ESR1: variants seen among roughly 807,000 people sequenced by gnomAD.
ESR1 encodes the protein estrogen receptor 1, also known as estrogen receptor.
ESR1 carries 12 observed loss-of-function variants against 52.7 expected under a neutral mutation model. That is an observed-to-expected ratio of 0.23 (90% CI 0.15 to 0.37). The LOEUF is 0.37. Among genes scored for constraint, ESR1 ranks in the 10% least tolerant of loss-of-function variants. The pLI is 1.00. For synonymous variants in ESR1, 305 were observed against 316.8 expected (o/e 0.96, Z 0.39); for missense variants, 584 against 779.7 (o/e 0.75, Z 2.99).
chr6:151,822,751 A>G (rs575595378), intron 1 of ESR1, among the ~76,000 whole-genome samples: 1 of 152,314 alleles, frequency 6.6e-6, no homozygotes, highest in Admixed American at 6.5e-5. Context: ...TGTGAATCAG[A>G]AGGTTCATTA....
intron 2 of ESR1, among the ~76,000 whole-genome samples, chr6:151,734,306 C>T (rs1017664163): frequency 2.0e-5 from 3 of 152,298 alleles, no homozygotes; most frequent in East Asian, 1.9e-4. Flanking sequence ...ACACAATCCA[C>T]GTCAAGTTCC....
At chr6:152,124,967 G>T (rs1165297114) in intron 6 of ESR1, among the ~76,000 whole-genome samples, 1 of 152,218 alleles carries the variant, frequency 6.6e-6, no homozygotes, top group Non-Finnish European at 1.5e-5. Flanking sequence ...CCTCTGCGGT[G>T]TGTACTTATT....
downstream of ESR1, among the ~76,000 whole-genome samples, chr6:152,105,331 C>T (rs2051050517): frequency 6.6e-6 from 1 of 152,124 alleles, no homozygotes. Context: ...TGGGACTGAG[C>T]CCTTAACCTG....
At chr6:152,021,523 TAC>T (rs2043650302) in intron 5 of ESR1, among the ~76,000 whole-genome samples, 1 of 152,224 alleles carries the variant, frequency 6.6e-6, no homozygotes, top group Admixed American at 6.5e-5. Flanking sequence ...CTTTGATTGT[TAC>T]ACCACAGCAG....
intron 3 of ESR1, among the ~76,000 whole-genome samples, chr6:151,897,475 G>T (rs1795724889): frequency 6.6e-6 from 1 of 152,096 alleles, no homozygotes; most frequent in Admixed American, 6.5e-5. Flanking sequence ...TTTAAAGTTT[G>T]TTTTGTCTGA....
At chr6:151,993,459 T>G (rs982901019) in intron 4 of ESR1, among the ~76,000 whole-genome samples, 10 of 152,082 alleles carry the variant, frequency 6.6e-5, no homozygotes, top group African/African-American at 2.4e-4. Context: ...AGTCACAGCT[T>G]TCTTACCAAA....
At chr6:151,830,731 A>G (rs915987814) in intron 1 of ESR1, among the ~76,000 whole-genome samples, 5 of 152,166 alleles carry the variant, frequency 3.3e-5, no homozygotes, top group African/African-American at 1.2e-4. Flanking sequence ...TTTCCAGTCT[A>G]TTCTTGTTTC....
downstream of ESR1, among the ~76,000 whole-genome samples, chr6:152,105,366 C>G (rs2747649): frequency 0.27 from 41,207 of 151,638 alleles, 5,775 homozygotes; most frequent in African/African-American, 0.33. Context: ...AAACCTTTAA[C>G]CTTTTCCCCC....
At chr6:151,737,200 A>G (rs1782744071) in intron 2 of ESR1, among the ~76,000 whole-genome samples, 1 of 152,192 alleles carries the variant, frequency 6.6e-6, no homozygotes, top group Non-Finnish European at 1.5e-5. Flanking sequence ...ATTTCTTATT[A>G]AGACATATTA....
intron 4 of ESR1, among the ~76,000 whole-genome samples, chr6:151,992,915 C>T (rs1426670754): frequency 6.6e-6 from 1 of 152,024 alleles, no homozygotes; most frequent in Non-Finnish European, 1.5e-5. Flanking sequence ...ACTTGCGATG[C>T]CTGTGCCAAA....
intron 4 of ESR1, among the ~76,000 whole-genome samples, chr6:151,972,883 C>T (rs948601799): frequency 2.0e-5 from 3 of 152,132 alleles, no homozygotes; most frequent in Non-Finnish European, 2.9e-5. Context: ...TATAAGAGTC[C>T]CAAAGCTGAA....
intron 7 of ESR1, among the ~76,000 whole-genome samples, chr6:152,095,324 A>G (rs902423313): frequency 1.3e-5 from 2 of 152,172 alleles, no homozygotes; most frequent in Admixed American, 6.5e-5. Flanking sequence ...AGCTCTAGCC[A>G]TAATAGCTGA....
chr6:151,953,956 AACTG>A (rs2036615731), intron 4 of ESR1, among the ~76,000 whole-genome samples: 1 of 152,108 alleles, frequency 6.6e-6, no homozygotes, highest in African/African-American at 2.4e-5. Context: ...CTACAGCCTA[AACTG>A]ACTGTTGATT....
At chr6:151,660,784 C>T (rs1184110727) in intron 1 of ESR1, among the ~76,000 whole-genome samples, 1 of 152,106 alleles carries the variant, frequency 6.6e-6, no homozygotes, top group Non-Finnish European at 1.5e-5. Context: ...CATATATGTG[C>T]ACATACACTG....
At chr6:151,948,011 T>A (rs1456244092) in intron 4 of ESR1, among the ~76,000 whole-genome samples, 5 of 152,216 alleles carry the variant, frequency 3.3e-5, no homozygotes, top group South Asian at 2.1e-4. Context: ...TCAGTTTTTT[T>A]AAAAGTAGAT....
chr6:152,016,938 C>A (rs1203537365), intron 5 of ESR1, among the ~76,000 whole-genome samples: 1 of 152,056 alleles, frequency 6.6e-6, no homozygotes, highest in Non-Finnish European at 1.5e-5. Flanking sequence ...CCATGGATTA[C>A]CAATGTTGCT....
chr6:151,850,582 A>C (rs1786487728), intron 2 of ESR1, among the ~76,000 whole-genome samples: 1 of 151,984 alleles, frequency 6.6e-6, no homozygotes, highest in Non-Finnish European at 1.5e-5. Flanking sequence ...CAGCTGCACC[A>C]ATATCTCCCA....
intron 6 of ESR1, among the ~76,000 whole-genome samples, chr6:152,116,407 T>C (rs2051211130): frequency 6.6e-6 from 1 of 152,174 alleles, no homozygotes; most frequent in Admixed American, 6.5e-5. Context: ...CTGTGGGACA[T>C]CGTTAAGTGA....
intron 1 of ESR1, among the ~76,000 whole-genome samples, chr6:151,833,256 G>A (rs1782746224): frequency 6.6e-6 from 1 of 152,186 alleles, no homozygotes; most frequent in South Asian, 2.1e-4. Context: ...AGGAGACTGT[G>A]TTTATCCTGT....
Sources: allele counts gnomAD v4.1 joint callset (sites outside exome capture counted in the v4.1 genomes callset), GRCh38; gene constraint gnomAD v4.1.1; transcripts MANE v1.5; gene names NCBI Gene and HGNC (gene_info 2026-07-23, HGNC 2026-07-21).